TUSC3: variants seen among roughly 807,000 people sequenced by gnomAD.
The protein encoded by TUSC3 is dolichyl-diphosphooligosaccharide--protein glycosyltransferase subunit TUSC3.
A neutral mutation model predicts 44.8 loss-of-function variants in TUSC3; 45 were observed. That is an observed-to-expected ratio of 1.00 (90% CI 0.79 to 1.29). TUSC3 has a LOEUF of 1.29. Among genes scored for constraint, TUSC3 ranks in the 50% most tolerant of loss-of-function variants. TUSC3 has a pLI of 0.00. For missense variants in TUSC3, 519 were observed against 437.9 expected (o/e 1.19, Z -1.65); for synonymous variants, 212 against 152.9 (o/e 1.39, Z -2.85).
intron 1 of TUSC3, among the ~76,000 whole-genome samples, chr8:15,482,286 G>A (rs1173010839): frequency 6.6e-6 from 1 of 152,110 alleles, no homozygotes; most frequent in African/African-American, 2.4e-5. Context: ...TCATGTGTGA[G>A]GGTTGGAATC....
At position 15,764,373 on chromosome 8, in the gene TUSC3, C is replaced by G; in HGVS notation, c.*217C>G. On this transcript the variant is annotated 3_prime_UTR_variant, in exon 11 of 11. Transcript: ENST00000503731. ...GGGTTTTCCTAGTAAATTTAATTTACAGAAATCAATGGTAGCATTTAGTAA... is the reference window on the plus strand; with the variant it reads ...GGGTTTTCCTAGTAAATTTAATTTAGAGAAATCAATGGTAGCATTTAGTAA... 1 of 747,406 alleles carries G rather than the reference C, an allele frequency of 1.3e-6. No homozygotes were observed. Among genetic ancestry groups the G allele is most frequent in the Non-Finnish European group, 2.2e-6 (1 of 461,714 alleles). The allele number at this position is 747,406 out of a possible 1,614,324, so 46.3% of individuals were successfully genotyped here.
intron 2 of TUSC3, among the ~76,000 whole-genome samples, chr8:15,645,615 C>T (rs933243957): frequency 2.6e-5 from 4 of 151,974 alleles, no homozygotes; most frequent in African/African-American, 7.2e-5. Flanking sequence ...TTTATTATTG[C>T]AGTACATATG....
At chr8:15,586,806 A>G (rs1224304311) in intron 1 of TUSC3, among the ~76,000 whole-genome samples, 1 of 152,190 alleles carries the variant, frequency 6.6e-6, no homozygotes, top group Non-Finnish European at 1.5e-5. Flanking sequence ...GGATAACAGC[A>G]TTAGTTTAAT....
chr8:15,582,287 G>T (rs149365069), intron 1 of TUSC3, among the ~76,000 whole-genome samples: 1 of 152,292 alleles, frequency 6.6e-6, no homozygotes, highest in Non-Finnish European at 1.5e-5. Flanking sequence ...CTCACGCTGG[G>T]AGCTGTAGAC....
At chr8:15,512,054 C>G (rs1401340642) in intron 2 of TUSC3, among the ~76,000 whole-genome samples, 2 of 152,054 alleles carry the variant, frequency 1.3e-5, no homozygotes, top group Non-Finnish European at 2.9e-5. Flanking sequence ...CTAGAAGATC[C>G]AGAACACCTT....
At chr8:15,556,492 G>T (rs62504175) in intron 1 of TUSC3, among the ~76,000 whole-genome samples, 1 of 150,936 alleles carries the variant, frequency 6.6e-6, no homozygotes, top group African/African-American at 2.4e-5. Context: ...ATAGCAATAC[G>T]ATTTATAGTC....
chr8:15,464,214 A>C (rs1800385972), intron 1 of TUSC3, among the ~76,000 whole-genome samples: 1 of 152,186 alleles, frequency 6.6e-6, no homozygotes, highest in African/African-American at 2.4e-5. Context: ...GCAAATAGCG[A>C]GTGACTAATG....
chr8:15,620,124 G>T (rs116827279), intron 1 of TUSC3, among the ~76,000 whole-genome samples: 3,263 of 152,240 alleles, frequency 0.021, 106 homozygotes, highest in African/African-American at 0.073. Flanking sequence ...GGAAGTGTGT[G>T]TGCATATGTG....
chr8:15,584,693 G>T (rs1229662755), intron 1 of TUSC3, among the ~76,000 whole-genome samples: 1 of 152,050 alleles, frequency 6.6e-6, no homozygotes, highest in Non-Finnish European at 1.5e-5. Flanking sequence ...TGGAATATGT[G>T]TGTATGGGTG....
intron 1 of TUSC3, among the ~76,000 whole-genome samples, chr8:15,550,594 C>T (rs985351070): frequency 5.3e-5 from 8 of 151,556 alleles, no homozygotes; most frequent in South Asian, 2.1e-4. Context: ...CCTGTCCTTT[C>T]GCCACTTTCA....
the TUSC3 span, among the ~76,000 whole-genome samples, chr8:15,816,845 C>G: frequency 3.3e-5 from 5 of 152,184 alleles, no homozygotes; most frequent in Admixed American, 6.5e-5. Flanking sequence ...CAAGTATGTG[C>G]TGATAGCAGC....
chr8:15,780,324 C>G, the TUSC3 span, among the ~76,000 whole-genome samples: 1 of 152,240 alleles, frequency 6.6e-6, no homozygotes, highest in South Asian at 2.1e-4. Flanking sequence ...TACAGCTGTT[C>G]CCTGAGGGGA....
At chr8:15,763,885 T>G (rs1201897507) in intron 10 of TUSC3, among the ~76,000 whole-genome samples, 1 of 152,044 alleles carries the variant, frequency 6.6e-6, no homozygotes, top group Non-Finnish European at 1.5e-5. Flanking sequence ...CCCTTGTATT[T>G]CCCCTACATT....
intron 1 of TUSC3, among the ~76,000 whole-genome samples, chr8:15,458,279 C>T (rs1009217058): frequency 6.6e-6 from 1 of 152,096 alleles, no homozygotes; most frequent in African/African-American, 2.4e-5. Flanking sequence ...TACTCTGTGG[C>T]CCATGCTGAG....
chr8:15,772,139 C>G, the TUSC3 span, among the ~76,000 whole-genome samples: 2 of 151,734 alleles, frequency 1.3e-5, no homozygotes, highest in African/African-American at 4.8e-5. Flanking sequence ...CCCAAGTACA[C>G]TTTAAAGAAT....
At chr8:15,491,762 G>C (rs897293105) in intron 2 of TUSC3, among the ~76,000 whole-genome samples, 2 of 152,140 alleles carry the variant, frequency 1.3e-5, no homozygotes, top group Non-Finnish European at 2.9e-5. Context: ...GACATTTGCT[G>C]AAGAAAACAG....
chr8:15,608,412 C>G (rs1804622729), intron 1 of TUSC3, among the ~76,000 whole-genome samples: 1 of 151,998 alleles, frequency 6.6e-6, no homozygotes, highest in African/African-American at 2.4e-5. Context: ...TAGGGACATC[C>G]TAGGGCTAGG....
intron 6 of TUSC3, among the ~76,000 whole-genome samples, chr8:15,713,678 T>C (rs10109890): frequency 0.68 from 103,680 of 151,834 alleles, 35,802 homozygotes; most frequent in African/African-American, 0.76. Context: ...CCATGGTCTT[T>C]ACTCAGTGCA....
chr8:15,769,663 T>G (rs578065004), downstream of TUSC3, among the ~76,000 whole-genome samples: 1 of 152,064 alleles, frequency 6.6e-6, no homozygotes, highest in African/African-American at 2.4e-5. Flanking sequence ...TGGGAAAAAA[T>G]TTGTGCAATC....
Sources: allele counts gnomAD v4.1 joint callset (sites outside exome capture counted in the v4.1 genomes callset), GRCh38; gene constraint gnomAD v4.1.1; transcripts MANE v1.5; gene names NCBI Gene and HGNC (gene_info 2026-07-23, HGNC 2026-07-21).